The following FCHSD2 variants were observed in gnomAD, a reference collection of about 807,000 sequenced individuals.
FCHSD2 encodes F-BAR and double SH3 domains protein 2.
In FCHSD2, 38 loss-of-function variants were observed where a neutral mutation model predicts 108.1. The ratio of observed to expected loss-of-function variants is 0.35; its 90% CI spans 0.27 to 0.46. The LOEUF (loss-of-function observed/expected upper bound fraction) is 0.46, where lower values mean the gene tolerates loss of function less well. Ranked by LOEUF, FCHSD2 falls within the 20% of genes least tolerant of loss-of-function variation. The pLI is 1.00. For missense variants in FCHSD2, 751 were observed against 897.8 expected (o/e 0.84, Z 2.09); for synonymous variants, 279 against 314.7 (o/e 0.89, Z 1.20).
At chr11:73,046,817 A>T (rs2135470578) in intron 3 of FCHSD2, among the ~76,000 whole-genome samples, 1 of 152,294 alleles carries the variant, frequency 6.6e-6, no homozygotes, top group South Asian at 2.1e-4. Flanking sequence ...TCCTGGCCAA[A>T]AACGATCCTC....
intron 3 of FCHSD2, among the ~76,000 whole-genome samples, chr11:73,076,938 G>A (rs959010372): frequency 1.1e-4 from 16 of 151,038 alleles, no homozygotes; most frequent in African/African-American, 2.7e-4. Flanking sequence ...GTGAAACCCC[G>A]TCTCTACTAA....
At position 72,843,308 on chromosome 11, in the gene FCHSD2, T is replaced by C; in HGVS notation, c.1548A>G (p.Gln516=). The C allele has an allele frequency of 6.2e-7, 1 of 1,613,798 alleles. No homozygotes were observed. The highest frequency in any genetic ancestry group is 8.5e-7 in the Non-Finnish European group (1 of 1,179,720). ...DWVKARNKVG[Q]VGYVPEKYLQ... The stretch of plus-strand genomic sequence containing the variant: ...GGTACTTTTCTGGCACATAACCCAC[T>C]TGGCCAACTTTATTTCGAGCCTGGG... The change falls in exon 16 of 20, where the codon CAA becomes CAG. Residue 516 remains glutamine (Q), a synonymous_variant. Transcript: ENST00000409418.
At chr11:73,052,399 G>T (rs1466490745) in intron 3 of FCHSD2, among the ~76,000 whole-genome samples, 1 of 151,904 alleles carries the variant, frequency 6.6e-6, no homozygotes, top group African/African-American at 2.4e-5. Flanking sequence ...AGAAACTCTT[G>T]GTATAATTTT....
At chr11:72,861,955 T>C (rs1278549653) in intron 13 of FCHSD2, among the ~76,000 whole-genome samples, 1 of 146,026 alleles carries the variant, frequency 6.8e-6, no homozygotes, top group African/African-American at 2.5e-5. Flanking sequence ...AAAAAGATAA[T>C]ATATCATTAC....
At chr11:72,910,632 C>T (rs1466895271) in intron 9 of FCHSD2, among the ~76,000 whole-genome samples, 1 of 152,030 alleles carries the variant, frequency 6.6e-6, no homozygotes, top group Non-Finnish European at 1.5e-5. Flanking sequence ...GCAGCATGCT[C>T]GTTAAGAGTC....
At chr11:73,019,777 C>T (rs1858057677) in intron 3 of FCHSD2, among the ~76,000 whole-genome samples, 1 of 152,116 alleles carries the variant, frequency 6.6e-6, no homozygotes. Flanking sequence ...GCATTCTATG[C>T]TTAAATTAAC....
chr11:72,860,403 A>G (rs1408631583), intron 13 of FCHSD2, among the ~76,000 whole-genome samples: 2 of 152,244 alleles, frequency 1.3e-5, no homozygotes, highest in Admixed American at 1.3e-4. Context: ...CAAAGCTCAA[A>G]AAGTTTAAAA....
At chr11:73,056,662 C>G (rs1169639498) in intron 3 of FCHSD2, among the ~76,000 whole-genome samples, 1 of 151,968 alleles carries the variant, frequency 6.6e-6, no homozygotes, top group African/African-American at 2.4e-5. Context: ...AGAGACTATG[C>G]AAAATAGGTA....
At chr11:73,137,292 T>C (rs1255887568) in intron 2 of FCHSD2, among the ~76,000 whole-genome samples, 1 of 152,088 alleles carries the variant, frequency 6.6e-6, no homozygotes, top group African/African-American at 2.4e-5. Flanking sequence ...ATTCATTCCA[T>C]TAAGTTAATA....
intron 2 of FCHSD2, among the ~76,000 whole-genome samples, chr11:73,085,409 G>A (rs1385862409): frequency 6.6e-6 from 1 of 152,126 alleles, no homozygotes; most frequent in African/African-American, 2.4e-5. Context: ...GAGAGGGGAT[G>A]ACCACTGTTG....
At chr11:73,065,548 GA>G (rs1296897911) in intron 3 of FCHSD2, among the ~76,000 whole-genome samples, 1 of 152,164 alleles carries the variant, frequency 6.6e-6, no homozygotes, top group African/African-American at 2.4e-5. Context: ...ATTCAAATAG[GA>G]AGAGAGGAAG....
intron 8 of FCHSD2, among the ~76,000 whole-genome samples, chr11:72,956,483 T>A (rs1018258741): frequency 6.6e-6 from 1 of 152,226 alleles, no homozygotes; most frequent in Non-Finnish European, 1.5e-5. Context: ...CTGTGACTTA[T>A]AATCAACAGG....
chr11:73,035,359 G>T (rs1858466188), intron 3 of FCHSD2, among the ~76,000 whole-genome samples: 1 of 152,032 alleles, frequency 6.6e-6, no homozygotes, highest in African/African-American at 2.4e-5. Flanking sequence ...GTAGAGACGG[G>T]GGTCTCATCA....
chr11:72,879,985 G>A lies in FCHSD2; in HGVS notation c.1146+7485C>T, dbSNP rs1192320678. On this transcript the variant is annotated intron_variant, in intron 12 of 19. Transcript: ENST00000409418. ...TCGCATTCCAGCCTGGGCAACAAGA[G>A]TGAAATTCTGTCTCAAAAAAAAAAA... Among the ~76,000 whole-genome samples the A allele has an allele frequency of 1.7e-4, 19 of 110,272 alleles. No homozygotes were observed. In the South Asian group the frequency reaches 5.8e-3, roughly 33 times the overall value. 72.3% of individuals were successfully genotyped at this position (110,272 alleles called of 152,430 possible). A position where few individuals can be genotyped will look rare whatever the true frequency, so the allele number is the denominator to read the frequency against.
chr11:73,113,110 A>G (rs895578690), intron 2 of FCHSD2, among the ~76,000 whole-genome samples: 14 of 152,072 alleles, frequency 9.2e-5, no homozygotes, highest in African/African-American at 3.4e-4. Flanking sequence ...TTCTGCTGTT[A>G]AGAAATTATG....
At chr11:72,936,114 C>A (rs1216661934) in intron 8 of FCHSD2, among the ~76,000 whole-genome samples, 2 of 152,186 alleles carry the variant, frequency 1.3e-5, no homozygotes, top group East Asian at 3.9e-4. Context: ...AAGACACTGA[C>A]CGTTCTTGAG....
At chr11:73,082,529 A>C (rs1199741545) in intron 3 of FCHSD2, among the ~76,000 whole-genome samples, 2 of 152,042 alleles carry the variant, frequency 1.3e-5, no homozygotes, top group African/African-American at 4.8e-5. Context: ...TCAAATCAAA[A>C]ATAAAGGCAA....
chr11:72,895,732 A>G (rs1855404201), intron 10 of FCHSD2, among the ~76,000 whole-genome samples: 1 of 152,154 alleles, frequency 6.6e-6, no homozygotes, highest in Admixed American at 6.5e-5. Flanking sequence ...CACTACGAAC[A>G]CTTAACTGTC....
At chr11:72,849,658 T>G (rs1861231438) in intron 14 of FCHSD2, 97 bp downstream of exon 14, 2 of 968,650 alleles carry the variant, frequency 2.1e-6, no homozygotes, top group East Asian at 4.9e-5. Flanking sequence ...AATAACAATT[T>G]TATGCTAAGT....
Sources: gnomAD v4.1 joint callset for allele counts (sites outside exome capture counted in the v4.1 genomes callset) on GRCh38, gnomAD v4.1.1 for gene constraint, MANE v1.5 for transcripts, NCBI Gene and HGNC (gene_info 2026-07-23, HGNC 2026-07-21) for gene names.